The following UBE2E1 variants were observed in gnomAD, a reference collection of about 807,000 sequenced individuals.
UBE2E1 encodes ubiquitin-conjugating enzyme E2 E1.
Under a neutral mutation model 21.4 loss-of-function variants are expected in UBE2E1, and 6 were observed. The observed-to-expected ratio is 0.28, with a 90% CI of 0.15 to 0.55. The LOEUF (loss-of-function observed/expected upper bound fraction) is 0.55. Ranked by LOEUF, UBE2E1 falls within the 20% of genes least tolerant of loss-of-function variation. The pLI is 0.93. For missense variants in UBE2E1, 142 were observed against 236.5 expected (o/e 0.60, Z 2.62); for synonymous variants, 87 against 82.7 (o/e 1.05, Z -0.28).
chr3:23,871,720 C>T (rs903200861), intron 3 of UBE2E1, among the ~76,000 whole-genome samples: 1 of 151,314 alleles, frequency 6.6e-6, no homozygotes, highest in Non-Finnish European at 1.5e-5. Flanking sequence ...AGAGGTGCTC[C>T]TCACATCCCA....
At chr3:23,820,244 G>C (rs1038329087) in intron 3 of UBE2E1, among the ~76,000 whole-genome samples, 1 of 152,166 alleles carries the variant, frequency 6.6e-6, no homozygotes, top group African/African-American at 2.4e-5. Context: ...CCTAGTAACT[G>C]GTGTCAGAAT....
intron 5 of UBE2E1, chr3:23,889,518 ATTCT>A: frequency 7.2e-7 from 1 of 1,383,558 alleles, no homozygotes; most frequent in Non-Finnish European, 9.3e-7. Flanking sequence ...AGTTTCAATT[ATTCT>A]TCCTCCTTTT....
At chr3:23,874,251 G>A (rs1345079765) in intron 3 of UBE2E1, among the ~76,000 whole-genome samples, 1 of 152,228 alleles carries the variant, frequency 6.6e-6, no homozygotes, top group Non-Finnish European at 1.5e-5. Context: ...GAGAATCTTG[G>A]TATCCTTTTA....
chr3:23,825,254 T>C lies in UBE2E1; in HGVS notation c.203+13744T>C, dbSNP rs374056200. Among the ~76,000 whole-genome samples the C allele has an allele frequency of 3.9e-5, 6 of 152,322 alleles. No individual in the cohort carries two copies. In the South Asian group the frequency reaches 6.2e-4, roughly 16 times the overall value. On this transcript the variant is annotated intron_variant, in intron 3 of 5. Coordinates refer to ENST00000306627, the MANE Select transcript of UBE2E1 (RefSeq NM_003341.5). ...CCCCACCTGTGTTTCTCTGCCTGTT[T>C]ACTTGTGACCTTGGCTGAGCAGTAC...
At chr3:23,880,024 A>G (rs571556518) in intron 3 of UBE2E1, among the ~76,000 whole-genome samples, 1 of 152,218 alleles carries the variant, frequency 6.6e-6, no homozygotes, top group Non-Finnish European at 1.5e-5. Flanking sequence ...AGGTGGGAGG[A>G]TCACTTGAGC....
At chr3:23,886,968 A>G (rs142171151) in intron 3 of UBE2E1, among the ~76,000 whole-genome samples, 242 of 152,352 alleles carry the variant, frequency 1.6e-3, no homozygotes, top group African/African-American at 5.4e-3. Flanking sequence ...TGTCTCAAGT[A>G]TTAGTATTTA....
intron 3 of UBE2E1, among the ~76,000 whole-genome samples, chr3:23,815,369 A>T (rs556869634): frequency 2.6e-4 from 39 of 152,266 alleles, no homozygotes; most frequent in African/African-American, 8.9e-4. Context: ...TATATTTTAA[A>T]TAGTTTTAAG....
At chr3:23,833,038 A>T (rs971336736) in intron 3 of UBE2E1, among the ~76,000 whole-genome samples, 1 of 152,188 alleles carries the variant, frequency 6.6e-6, no homozygotes, top group African/African-American at 2.4e-5. Flanking sequence ...TGTCTCAAAA[A>T]GTGGGAGAAA....
At chr3:23,886,993 A>G (rs937255245) in intron 3 of UBE2E1, among the ~76,000 whole-genome samples, 1 of 152,236 alleles carries the variant, frequency 6.6e-6, no homozygotes, top group African/African-American at 2.4e-5. Context: ...ACCCAATTAT[A>G]GAATACACAT....
At chr3:23,871,947 C>T (rs1278822053) in intron 3 of UBE2E1, among the ~76,000 whole-genome samples, 24 of 150,728 alleles carry the variant, frequency 1.6e-4, no homozygotes, top group Non-Finnish European at 2.9e-4. Flanking sequence ...CAGGCAGAGA[C>T]GCTCCTCACT....
rs1470708902 is a variant in UBE2E1 at position 23,810,482 on chromosome 3, G to C, written c.153-978G>C. 1 of 1,535,872 alleles carries C rather than the reference G, an allele frequency of 6.5e-7. No individual in the cohort carries two copies. The highest frequency in any genetic ancestry group is 2.4e-5 in the East Asian group (1 of 40,874). On this transcript the variant is annotated intron_variant, in intron 2 of 5. Transcript: ENST00000306627. This position sits in a 1 kb window ranked among gnomAD's most constrained non-coding sequence, Gnocchi z 5.8. ...GTGAGCTAGAGAGCGGACCATGAAG[G>C]AAGTGGGCAGACCCCGGGAAGTTAG...
chr3:23,820,728 G>A (rs2125286531), intron 3 of UBE2E1, among the ~76,000 whole-genome samples: 1 of 152,270 alleles, frequency 6.6e-6, no homozygotes, highest in East Asian at 1.9e-4. Context: ...AGTGATCTGA[G>A]TCATTATTAA....
intron 2 of UBE2E1, 52 bp from the exon 3 acceptor site, chr3:23,811,408 T>C (rs1411816996): frequency 6.3e-7 from 1 of 1,594,408 alleles, no homozygotes; most frequent in African/African-American, 1.3e-5. Context: ...GGTGGGAGGC[T>C]TCCGCGCCTT....
Position 23,810,499 on chromosome 3 carries a change from G to C in UBE2E1, c.153-961G>C. 6 of 1,535,672 alleles carry C rather than the reference G, an allele frequency of 3.9e-6. No homozygotes were observed. Among genetic ancestry groups the C allele is most frequent in the Non-Finnish European group, 5.2e-6 (6 of 1,146,668 alleles). ...CCATGAAGGAAGTGGGCAGACCCCGGGAAGTTAGAGGACGCCCGGGGAAAA... is the reference window on the plus strand; with the variant it reads ...CCATGAAGGAAGTGGGCAGACCCCGCGAAGTTAGAGGACGCCCGGGGAAAA... On this transcript the variant is annotated intron_variant, in intron 2 of 5. Transcript: ENST00000306627. This position sits in a 1 kb window ranked among gnomAD's most constrained non-coding sequence, Gnocchi z 5.8.
chr3:23,811,132 G>T, intron 2 of UBE2E1: 1 of 372,426 alleles, frequency 2.7e-6, no homozygotes, highest in Non-Finnish European at 4.9e-6. Flanking sequence ...TGCAGGGGAG[G>T]GACTGAGGAA....
intron 3 of UBE2E1, among the ~76,000 whole-genome samples, chr3:23,858,030 C>G: frequency 6.6e-6 from 1 of 152,026 alleles, no homozygotes; most frequent in East Asian, 1.9e-4. Flanking sequence ...CCATATTGGC[C>G]TGGCTGACCT....
In UBE2E1 at chr3:23,847,580, C is replaced by T. The variant is rs145234034; in HGVS notation, c.203+36070C>T. On this transcript the variant is annotated intron_variant, in intron 3 of 5. Coordinates refer to ENST00000306627, the MANE Select transcript of UBE2E1 (RefSeq NM_003341.5). ...TGCGATCTCAGCTCACTGCAAGCTCCGTCTCCCAGGTTCATGCCATTCTCT... is the reference window on the plus strand; with the variant it reads ...TGCGATCTCAGCTCACTGCAAGCTCTGTCTCCCAGGTTCATGCCATTCTCT... Among the ~76,000 whole-genome samples, 1,247 of 150,058 alleles carry T rather than the reference C, an allele frequency of 8.3e-3. 8 individuals are homozygous for T. The highest frequency in any genetic ancestry group is 0.013 in the Non-Finnish European group (865 of 67,682).
At chr3:23,862,479 G>T (rs1553639229) in intron 3 of UBE2E1, among the ~76,000 whole-genome samples, 1 of 152,080 alleles carries the variant, frequency 6.6e-6, no homozygotes, top group Non-Finnish European at 1.5e-5. Context: ...TTTTTAGTTT[G>T]TATTGTACTA....
intron 3 of UBE2E1, among the ~76,000 whole-genome samples, chr3:23,851,774 G>A (rs1218816142): frequency 6.6e-6 from 1 of 152,056 alleles, no homozygotes; most frequent in African/African-American, 2.4e-5. Context: ...CAGCCTGGGT[G>A]ACAGAGACCC....
Sources: allele counts gnomAD v4.1 joint callset (sites outside exome capture counted in the v4.1 genomes callset), GRCh38; gene constraint gnomAD v4.1.1; non-coding constraint Gnocchi (gnomAD v3.1); transcripts MANE v1.5; gene names NCBI Gene and HGNC (gene_info 2026-07-23, HGNC 2026-07-21).